COL28A1: variants seen among roughly 807,000 people sequenced by gnomAD.
COL28A1 encodes the protein collagen alpha-1(XXVIII) chain.
Under a neutral mutation model 150.2 loss-of-function variants are expected in COL28A1, and 161 were observed. The observed-to-expected ratio is 1.07, with a 90% CI of 0.94 to 1.22. The LOEUF (loss-of-function observed/expected upper bound fraction) is 1.22. COL28A1 is among the 50% of genes most tolerant of loss of function. The probability of loss-of-function intolerance (pLI) is 0.00; values close to 1 mark genes in which losing one functional copy is unlikely to be tolerated. For missense variants in COL28A1, 1,617 were observed against 1,388.3 expected, an observed-to-expected ratio of 1.16 and a Z score of -2.62; for synonymous variants, 552 against 469.7, an observed-to-expected ratio of 1.18 and a Z score of -2.26.
At chr7:7,514,801 C>T (rs551407432) in intron 8 of COL28A1, among the ~76,000 whole-genome samples, 27 of 152,294 alleles carry the variant, frequency 1.8e-4, no homozygotes, top group Non-Finnish European at 2.6e-4. Context: ...TGAGCACACA[C>T]GTGAAGATGC....
chr7:7,408,146 T>G (rs1252266098), intron 27 of COL28A1, among the ~76,000 whole-genome samples: 2 of 152,114 alleles, frequency 1.3e-5, no homozygotes, highest in African/African-American at 4.8e-5. Context: ...AGGCACTAGT[T>G]CCTACATTAC....
chr7:7,511,164 G>C, intron 8 of COL28A1, 29 bp from the exon 9 acceptor site: 1 of 1,538,464 alleles, frequency 6.5e-7, no homozygotes, highest in Non-Finnish European at 9.0e-7. Context: ...AAATAAATAA[G>C]AGAACACTTG....
chr7:7,381,442 G>T, intron 28 of COL28A1, 102 bp downstream of exon 28: 1 of 775,054 alleles, frequency 1.3e-6, no homozygotes, highest in Non-Finnish European at 2.2e-6. Flanking sequence ...TCTGAGAGTT[G>T]TAAGGGGAAG....
At chr7:7,432,375 C>T (rs1052452877) in intron 25 of COL28A1, 98 bp downstream of exon 25, 45 of 863,992 alleles carry the variant, frequency 5.2e-5, no homozygotes, top group Admixed American at 3.8e-4. Context: ...TCAGACACCT[C>T]TACTCTTCTA....
intron 33 of COL28A1, among the ~76,000 whole-genome samples, chr7:7,362,401 G>A (rs977345227): frequency 6.6e-6 from 1 of 152,162 alleles, no homozygotes; most frequent in Non-Finnish European, 1.5e-5. Flanking sequence ...ATCTGTGACT[G>A]AGATAGTTTT....
At position 7,531,436 on chromosome 7, in the gene COL28A1, T is replaced by C; in HGVS notation, c.593A>G (p.Lys198Arg). 3 of 1,600,170 alleles carry C rather than the reference T, an allele frequency of 1.9e-6. No individual in the cohort carries two copies. The highest frequency in any genetic ancestry group is 2.2e-5 in the South Asian group (2 of 90,490). The stretch of plus-strand genomic sequence containing the variant: ...TGAATCCCCAGAAATCAAACGAAGT[T>C]TGGCTTCATTGACTACCGTAGAAAG... ...IALSTVVNEA[K>R]LRLISGDSSS... The change falls in exon 3 of 35, where the codon AAA becomes AGA. Residue 198 changes from lysine to arginine, a missense_variant. Coordinates refer to ENST00000399429, the MANE Select transcript of COL28A1 (RefSeq NM_001037763.3).
chr7:7,375,678 G>A (rs901106686), intron 30 of COL28A1, among the ~76,000 whole-genome samples, 181 bp from the exon 31 acceptor site: 5 of 152,060 alleles, frequency 3.3e-5, no homozygotes, highest in African/African-American at 1.2e-4. Flanking sequence ...ACTAAAATGC[G>A]TTTGAGCTGT....
At chr7:7,412,122 C>A (rs1338733885) in intron 27 of COL28A1, among the ~76,000 whole-genome samples, 1 of 152,092 alleles carries the variant, frequency 6.6e-6, no homozygotes, top group Non-Finnish European at 1.5e-5. Flanking sequence ...TACAGCCATG[C>A]AACTAGTTCT....
At chr7:7,435,380 G>A (rs1179803350) in intron 23 of COL28A1, among the ~76,000 whole-genome samples, 2 of 152,146 alleles carry the variant, frequency 1.3e-5, no homozygotes, top group East Asian at 1.9e-4. Flanking sequence ...TAAAGAGAGT[G>A]GTCTACATAG....
intron 30 of COL28A1, among the ~76,000 whole-genome samples, chr7:7,379,035 G>A (rs773511398): frequency 6.6e-6 from 1 of 152,196 alleles, no homozygotes; most frequent in Non-Finnish European, 1.5e-5. Flanking sequence ...CTCCAAACCT[G>A]TGGCCATTTC....
intron 13 of COL28A1, among the ~76,000 whole-genome samples, chr7:7,487,495 G>A (rs1354626705): frequency 6.6e-6 from 1 of 152,078 alleles, no homozygotes; most frequent in African/African-American, 2.4e-5. Context: ...GGAGAATCAT[G>A]TGAACCTGGG....
chr7:7,361,305 T>A (rs2348043), intron 33 of COL28A1, among the ~76,000 whole-genome samples: 134,541 of 151,798 alleles, frequency 0.89, 59,758 homozygotes, highest in East Asian at 1. Flanking sequence ...ACTTTTTTTT[T>A]AAAAATAGTG....
At chr7:7,418,009 T>G in intron 26 of COL28A1, 82 bp from the exon 27 acceptor site, 3 of 1,125,228 alleles carry the variant, frequency 2.7e-6, no homozygotes, top group Non-Finnish European at 3.9e-6. Context: ...TACTCTCAGC[T>G]GCATTCTTAC....
Position 7,521,923 on chromosome 7 carries a change from TG to T in COL28A1, c.740del (p.Pro247GlnfsTer59). 8.7e-7 allele frequency: 1 copy of T among 1,149,784 alleles called. No individual in the cohort carries two copies. Among genetic ancestry groups the T allele is most frequent in the Non-Finnish European group, 1.3e-6 (1 of 755,302 alleles). The allele number at this position is 1,149,784 out of a possible 1,614,324, so 71.2% of individuals were successfully genotyped here. A position where few individuals can be genotyped will look rare whatever the true frequency, so the allele number is the denominator to read the frequency against. ...RKICECEKGDPGDPGPPGTHG... is the reference protein window; with the variant it reads ...RKICECEKGDXGDPGPPGTHG... ...TACTCACAGGAGGCCCTGGATCACC[TG>T]GATCTCCCTTCTCACATTCACAAAT... On this transcript the variant is annotated frameshift_variant, in exon 5 of 35. Transcript: ENST00000399429. LOFTEE classifies it high-confidence loss of function.
At position 7,511,074 on chromosome 7, in the gene COL28A1, A is replaced by G; in HGVS notation, c.927+17T>C. ...AAGGGATCACAGCTGTAAGCAGTTT[A>G]AAAACATGTTCCTTACCTTGTCACC... On this transcript the variant is annotated intron_variant, in intron 9 of 34. Transcript: ENST00000399429. The G allele has an allele frequency of 6.2e-7, 1 of 1,610,032 alleles. No individual in the cohort carries two copies. Among genetic ancestry groups the G allele is most frequent in the Non-Finnish European group, 8.5e-7 (1 of 1,176,450 alleles).
chr7:7,519,798 T>G (rs928143223), intron 6 of COL28A1, among the ~76,000 whole-genome samples: 1 of 152,172 alleles, frequency 6.6e-6, no homozygotes, highest in Non-Finnish European at 1.5e-5. Flanking sequence ...TGCTATCGTT[T>G]AAGTACTAGT....
the COL28A1 span, among the ~76,000 whole-genome samples, chr7:7,350,044 C>G: frequency 6.6e-6 from 1 of 152,032 alleles, no homozygotes; most frequent in Non-Finnish European, 1.5e-5. Flanking sequence ...AAGGTTTGCC[C>G]TTTATCTTAA....
intron 20 of COL28A1, 72 bp downstream of exon 20, chr7:7,443,513 T>A: frequency 6.3e-7 from 1 of 1,586,320 alleles, no homozygotes; most frequent in East Asian, 2.2e-5. Context: ...ACAATCAAAT[T>A]TCTTCTAAGT....
intron 27 of COL28A1, among the ~76,000 whole-genome samples, chr7:7,398,271 T>G (rs1049971414): frequency 6.6e-6 from 1 of 152,220 alleles, no homozygotes; most frequent in African/African-American, 2.4e-5. Flanking sequence ...AGCTCAGCTC[T>G]CAATACTTAC....
Sources: gnomAD v4.1 joint callset for allele counts (sites outside exome capture counted in the v4.1 genomes callset) on GRCh38, gnomAD v4.1.1 for gene constraint, MANE v1.5 for transcripts, NCBI Gene and HGNC (gene_info 2026-07-23, HGNC 2026-07-21) for gene names.